Variants in MYT1L observed in about 807,000 individuals in gnomAD.
The protein encoded by MYT1L is myelin transcription factor 1-like protein.
MYT1L carries 12 observed loss-of-function variants against 126.7 expected under a neutral mutation model. The observed-to-expected ratio is 0.09, with a 90% CI of 0.06 to 0.15. The LOEUF (loss-of-function observed/expected upper bound fraction) is 0.15, where lower values mean the gene tolerates loss of function less well. Ranked by LOEUF, MYT1L falls within the 10% of genes least tolerant of loss-of-function variation. The pLI, the probability that MYT1L is intolerant of heterozygous loss-of-function variation, is 1.00. For synonymous variants in MYT1L, 541 were observed against 604.2 expected (o/e 0.90, Z 1.53); for missense variants, 979 against 1,585.2 (o/e 0.62, Z 6.49).
In MYT1L at chr2:1,864,959, G is replaced by A. The variant is rs146932848; in HGVS notation, c.2712-13256C>T. 1.7e-3 allele frequency among the ~76,000 whole-genome samples: 265 copies of A among 152,274 alleles called. 2 individuals carry two copies. The highest frequency in any genetic ancestry group is 6.2e-3 in the African/African-American group (258 of 41,554). Reference sequence around the variant, plus strand: ...CCTGGCTTAGTTGTGCCCGATTGCTGAGCTTCCACTCTATTTAGGCTCTGG... The same window carrying A: ...CCTGGCTTAGTTGTGCCCGATTGCTAAGCTTCCACTCTATTTAGGCTCTGG... On this transcript the variant is annotated intron_variant, in intron 18 of 24. Coordinates refer to ENST00000647738, the MANE Select transcript of MYT1L (RefSeq NM_001303052.2).
intron 3 of MYT1L, among the ~76,000 whole-genome samples, chr2:2,071,226 C>G (rs2074557647): frequency 6.6e-6 from 1 of 152,082 alleles, no homozygotes; most frequent in South Asian, 2.1e-4. Context: ...AAATGTAGTT[C>G]TATTACCTTA....
At chr2:1,840,286 A>G (rs10193338) in intron 20 of MYT1L, among the ~76,000 whole-genome samples, 73,463 of 152,018 alleles carry the variant, frequency 0.48, 19,947 homozygotes, top group African/African-American at 0.74. Context: ...TGGGCAGCCC[A>G]GCGGTAGTCA....
chr2:1,995,110 G>T (rs774833771), intron 5 of MYT1L, among the ~76,000 whole-genome samples: 14 of 152,100 alleles, frequency 9.2e-5, no homozygotes, highest in African/African-American at 1.4e-4. Context: ...CAGGGTATGG[G>T]CTTGGAATAG....
In MYT1L at chr2:2,224,019, GT is replaced by G. The variant is rs1373720765; in HGVS notation, c.-420-51032del. Among the ~76,000 whole-genome samples the G allele has an allele frequency of 1.3e-5, 2 of 152,184 alleles. No individual in the cohort carries two copies. The highest frequency in any genetic ancestry group is 2.4e-5 in the African/African-American group (1 of 41,448). On this transcript the variant is annotated intron_variant, in intron 2 of 24. Coordinates refer to ENST00000647738, the MANE Select transcript of MYT1L (RefSeq NM_001303052.2). This position sits in a 1 kb window ranked among gnomAD's most constrained non-coding sequence, Gnocchi z 4.0. ...CTGAGTTGACAGGTGGAGTGTGTAT[GT>G]TGTGTGAGGTAACTTTAAGGTGTCC... is the stretch of plus-strand genomic sequence containing the variant.
At chr2:2,129,862 G>C (rs928402646) in intron 3 of MYT1L, among the ~76,000 whole-genome samples, 3 of 150,894 alleles carry the variant, frequency 2.0e-5, no homozygotes, top group Admixed American at 2.0e-4. Context: ...GCCGAGATTG[G>C]GCCACTGTAC....
At chr2:1,879,504 G>A (rs2047291636) in intron 18 of MYT1L, among the ~76,000 whole-genome samples, 1 of 151,958 alleles carries the variant, frequency 6.6e-6, no homozygotes, top group Non-Finnish European at 1.5e-5. Flanking sequence ...AATTAGAAGA[G>A]GCCAAATTTA....
intron 5 of MYT1L, among the ~76,000 whole-genome samples, chr2:1,994,121 C>T (rs552561077): frequency 6.6e-5 from 10 of 152,262 alleles, no homozygotes; most frequent in East Asian, 1.9e-4. Flanking sequence ...TAAACGTTTT[C>T]GGTCATTCAG....
chr2:2,134,413 G>A (rs1250646658), intron 3 of MYT1L, among the ~76,000 whole-genome samples: 2 of 152,170 alleles, frequency 1.3e-5, no homozygotes, highest in Non-Finnish European at 2.9e-5. Flanking sequence ...GAAAACAAAT[G>A]TGACTATGTA....
chr2:1,870,827 A>G (rs902476983), intron 18 of MYT1L, among the ~76,000 whole-genome samples: 4 of 152,216 alleles, frequency 2.6e-5, no homozygotes, highest in Non-Finnish European at 5.9e-5. Context: ...ATGGAAGTAC[A>G]ATATTCATTT....
At chr2:2,183,632 G>A (rs1310790592) in intron 2 of MYT1L, among the ~76,000 whole-genome samples, 1 of 152,138 alleles carries the variant, frequency 6.6e-6, no homozygotes. Context: ...ATTCTTCATA[G>A]TTGCAGCTCT....
chr2:2,183,387 G>T (rs1167025676), intron 2 of MYT1L, among the ~76,000 whole-genome samples: 2 of 152,084 alleles, frequency 1.3e-5, no homozygotes, highest in African/African-American at 2.4e-5. Context: ...GGAGAGAAAG[G>T]GTGGGGCCAG....
chr2:1,966,951 T>A (rs1009228164), intron 8 of MYT1L, among the ~76,000 whole-genome samples: 5 of 151,602 alleles, frequency 3.3e-5, no homozygotes, highest in African/African-American at 1.2e-4. Context: ...TTTTTCTCAC[T>A]TTTTAGCTAG....
intron 8 of MYT1L, among the ~76,000 whole-genome samples, chr2:1,944,634 G>A (rs1227490022): frequency 6.6e-6 from 1 of 152,184 alleles, no homozygotes; most frequent in African/African-American, 2.4e-5. Flanking sequence ...ACCCTGACCA[G>A]TGTGTACTAT....
At chr2:2,279,655 C>G (rs2095420564) in intron 2 of MYT1L, among the ~76,000 whole-genome samples, 1 of 152,102 alleles carries the variant, frequency 6.6e-6, no homozygotes, top group East Asian at 1.9e-4. Flanking sequence ...GTTCCATGCC[C>G]AGGTTGCTTT....
chr2:1,888,967 C>G (rs1468337651), intron 16 of MYT1L, among the ~76,000 whole-genome samples: 1 of 152,242 alleles, frequency 6.6e-6, no homozygotes. Flanking sequence ...GCTATTTATA[C>G]GTTTTCTTAG....
At chr2:1,797,246 G>A (rs1253298010) in intron 23 of MYT1L, among the ~76,000 whole-genome samples, 2 of 152,144 alleles carry the variant, frequency 1.3e-5, no homozygotes, top group African/African-American at 4.8e-5. Context: ...GAAGGGACCG[G>A]TGTCCGGACT....
At chr2:2,162,174 G>A (rs770995503) in intron 3 of MYT1L, among the ~76,000 whole-genome samples, 10 of 152,250 alleles carry the variant, frequency 6.6e-5, no homozygotes, top group Admixed American at 1.3e-4. Flanking sequence ...TCCATGGGGC[G>A]CCAGATGATA....
At chr2:2,295,573 GAGAGAGAGAGACAGACAGAC>G in intron 1 of MYT1L, among the ~76,000 whole-genome samples, 2 of 142,286 alleles carry the variant, frequency 1.4e-5, no homozygotes, top group Non-Finnish European at 3.1e-5. Flanking sequence ...GACAGAGAGA[GAGAGAGAGAGACAGACAGAC>G]AGAGAGAGAG....
In MYT1L at chr2:1,853,008, C is replaced by T. The variant is rs546543070; in HGVS notation, c.2712-1305G>A. On this transcript the variant is annotated intron_variant, in intron 18 of 24. Coordinates refer to ENST00000647738, the MANE Select transcript of MYT1L (RefSeq NM_001303052.2). ...AATGGCAGGGATTAGAGTGGGAACA[C>T]ATGACATTGGCCGAATTTTAAGTGT... Among the ~76,000 whole-genome samples the T allele has an allele frequency of 4.6e-5, 7 of 152,296 alleles. No individual in the cohort carries two copies. The South Asian group carries it at 1.5e-3, about 32-fold the overall frequency.
Sources: gnomAD v4.1 joint callset for allele counts (sites outside exome capture counted in the v4.1 genomes callset) on GRCh38, gnomAD v4.1.1 for gene constraint, Gnocchi (gnomAD v3.1) non-coding constraint, MANE v1.5 for transcripts, NCBI Gene and HGNC (gene_info 2026-07-23, HGNC 2026-07-21) for gene names.